The following PIK3R2 variants were observed in gnomAD, a reference collection of about 807,000 sequenced individuals.
The protein encoded by PIK3R2 is phosphatidylinositol 3-kinase regulatory subunit beta.
PIK3R2 carries 40 observed loss-of-function variants against 78.5 expected under a neutral mutation model. That is an observed-to-expected ratio of 0.51 (90% CI 0.40 to 0.66). The LOEUF is 0.66. Among genes scored for constraint, PIK3R2 ranks in the 30% least tolerant of loss-of-function variants. The pLI is 0.00. For synonymous variants in PIK3R2, 473 were observed against 457.7 expected (o/e 1.03, Z -0.43); for missense variants, 880 against 1,026.6 (o/e 0.86, Z 1.95).
In PIK3R2 at chr19:18,169,461, C is replaced by T. The variant is rs2043847671; in HGVS notation, c.*167C>T. 2 of 365,132 alleles carry T rather than the reference C, an allele frequency of 5.5e-6. No homozygotes were observed. The highest frequency in any genetic ancestry group is 8.5e-5 in the East Asian group (2 of 23,520). 22.6% of individuals were successfully genotyped at this position (365,132 alleles called of 1,614,324 possible). A position where few individuals can be genotyped will look rare whatever the true frequency, so the allele number is the denominator to read the frequency against. ...CCTCTTTCTCTTTCCTTCCCTCCCCCATTCTCCAGATCTCCCTCTGTCTCC... is the reference window on the plus strand; with the variant it reads ...CCTCTTTCTCTTTCCTTCCCTCCCCTATTCTCCAGATCTCCCTCTGTCTCC... On this transcript the variant is annotated 3_prime_UTR_variant, in exon 16 of 16. Transcript: ENST00000222254.
rs1374398216 is a variant in PIK3R2 at position 18,167,450 on chromosome 19, C to T, written c.1736+144C>T. 9.4e-6 allele frequency: 6 copies of T among 641,534 alleles called. No individual in the cohort carries two copies. The highest frequency in any genetic ancestry group is 1.5e-5 in the Non-Finnish European group (6 of 410,160). 39.7% of individuals were successfully genotyped at this position (641,534 alleles called of 1,614,324 possible). A position where few individuals can be genotyped will look rare whatever the true frequency, so the allele number is the denominator to read the frequency against. On this transcript the variant is annotated intron_variant, in intron 13 of 15. Transcript: ENST00000222254. This position sits in a 1 kb window ranked among gnomAD's most constrained non-coding sequence, Gnocchi z 4.5. ...CCCCTTAAACTCGGTTCCTCCCGGGCCCCTTGAAAGTTTTCCCATAGGTCA... is the reference window on the plus strand; with the variant it reads ...CCCCTTAAACTCGGTTCCTCCCGGGTCCCTTGAAAGTTTTCCCATAGGTCA...
rs2043651774 is a variant in PIK3R2, at chr19:18,154,108, G to A, written c.-424+814G>A. Reference sequence around the variant, plus strand: ...CAACTTAACCCACTGCCAAGGCTTTGCATGTGCCGTTCCGTCTGCCTGTCG... The same window carrying A: ...CAACTTAACCCACTGCCAAGGCTTTACATGTGCCGTTCCGTCTGCCTGTCG... On this transcript the variant is annotated intron_variant, in intron 1 of 15. Transcript: ENST00000222254. Among the ~76,000 whole-genome samples the A allele has an allele frequency of 3.9e-5, 6 of 152,238 alleles. No homozygotes were observed. The South Asian group carries it at 1.2e-3, about 32-fold the overall frequency.
intron 2 of PIK3R2, among the ~76,000 whole-genome samples, chr19:18,159,352 C>T (rs559956349): frequency 6.6e-6 from 1 of 151,830 alleles, no homozygotes; most frequent in Admixed American, 6.6e-5. Context: ...GGGTCGTGCC[C>T]CCTCTGAAGT....
chr19:18,161,571 CG>C lies in PIK3R2; in HGVS notation c.815+78del, dbSNP rs1022508653. The stretch of plus-strand genomic sequence containing the variant: ...GCGGGCGGGGCATGGCCAGAGTGAG[CG>C]GCGTCTAGACCCTAAGAAGGGAGGG... On this transcript the variant is annotated intron_variant, in intron 6 of 15. Coordinates refer to ENST00000222254, the MANE Select transcript of PIK3R2 (RefSeq NM_005027.4). This position sits in a 1 kb window ranked among gnomAD's most constrained non-coding sequence, Gnocchi z 5.3. 35 of 510,718 alleles carry C rather than the reference CG, an allele frequency of 6.9e-5. No individual in the cohort carries two copies. The highest frequency in any genetic ancestry group is 6.8e-4 in the African/African-American group (34 of 49,738). 31.6% of individuals were successfully genotyped at this position (510,718 alleles called of 1,614,324 possible).
At position 18,155,465 on chromosome 19, in the gene PIK3R2, C is replaced by A. The variant is rs1209245712; in HGVS notation, c.-415C>A. 1 of 409,284 alleles carries A rather than the reference C, an allele frequency of 2.4e-6. No homozygotes were observed. The highest frequency in any genetic ancestry group is 4.3e-5 in the Admixed American group (1 of 23,212). 25.4% of individuals were successfully genotyped at this position (409,284 alleles called of 1,614,324 possible). A position where few individuals can be genotyped will look rare whatever the true frequency, so the allele number is the denominator to read the frequency against. ...TATCCCTGTCTCCCTAGGTCGGCGTCCTCAGCTGGCCGAGCATGGTGGCAG... is the reference window on the plus strand; with the variant it reads ...TATCCCTGTCTCCCTAGGTCGGCGTACTCAGCTGGCCGAGCATGGTGGCAG... On this transcript the variant is annotated 5_prime_UTR_variant, in exon 2 of 16. Coordinates refer to ENST00000222254, the MANE Select transcript of PIK3R2 (RefSeq NM_005027.4).
Position 18,168,776 on chromosome 19 carries a change from G to A in PIK3R2, c.1859G>A (p.Arg620His), listed in dbSNP as rs776438063. The part of the protein sequence containing the change: ...DEDDLPHHEE[R>H]TWYVGKINRT... Reference sequence around the variant, plus strand: ...GACGATCTCCCGCACCACGAGGAACGCACTTGGTACGTGGGCAAGATCAAC... The same window carrying A: ...GACGATCTCCCGCACCACGAGGAACACACTTGGTACGTGGGCAAGATCAAC... The change falls in exon 15 of 16, where the codon CGC (arginine) becomes CAC (histidine). Residue 620 changes from arginine to histidine, a missense_variant. Arg to His is a conservative substitution (Grantham distance 29). This residue lies in a region of PIK3R2 where 268 missense variants were observed against 299.1 expected (regional missense o/e 0.90). Transcript: ENST00000222254. This position sits in a 1 kb window ranked among gnomAD's most constrained non-coding sequence, Gnocchi z 4.1. 3 of 1,611,430 alleles carry A rather than the reference G, an allele frequency of 1.9e-6. No individual in the cohort carries two copies. Among genetic ancestry groups the A allele is most frequent in the Non-Finnish European group, 1.7e-6 (2 of 1,178,642 alleles).
intron 2 of PIK3R2, among the ~76,000 whole-genome samples, chr19:18,157,290 CA>C (rs1022851722): frequency 6.6e-6 from 1 of 152,222 alleles, no homozygotes; most frequent in African/African-American, 2.4e-5. Context: ...TCTGGGCTCC[CA>C]GCCAGAATCT....
At chr19:18,164,533 T>C (rs1371385597) in intron 11 of PIK3R2, among the ~76,000 whole-genome samples, 6 of 152,086 alleles carry the variant, frequency 3.9e-5, no homozygotes, top group Non-Finnish European at 8.8e-5. Flanking sequence ...ACTGTGCTAA[T>C]AAGCTTCTTT....
chr19:18,167,058 C>A lies in PIK3R2; in HGVS notation c.1560-72C>A. Reference sequence around the variant, plus strand: ...GGCTGAGGTAGGAGGGTCACCTGAGCCCAGGAGTTTGAGGGTGCAGTGAGC... The same window carrying A: ...GGCTGAGGTAGGAGGGTCACCTGAGACCAGGAGTTTGAGGGTGCAGTGAGC... On this transcript the variant is annotated intron_variant, in intron 12 of 15. Transcript: ENST00000222254. This position sits in a 1 kb window ranked among gnomAD's most constrained non-coding sequence, Gnocchi z 4.5. 1 of 1,359,652 alleles carries A rather than the reference C, an allele frequency of 7.4e-7. No individual in the cohort carries two copies. Among genetic ancestry groups the A allele is most frequent in the Non-Finnish European group, 9.8e-7 (1 of 1,022,262 alleles). The allele number at this position is 1,359,652 out of a possible 1,614,324, so 84.2% of individuals were successfully genotyped here.
rs376952388 is a variant in PIK3R2 at position 18,160,980 on chromosome 19, G to A, written c.466+11G>A. ...CCGCACCGCGTACAGGTGAAGGGGA[G>A]CCTCAATGGGGTTGGGAGGAGGCTG... On this transcript the variant is annotated intron_variant, in intron 4 of 15. Transcript: ENST00000222254. 2.5e-6 allele frequency: 4 copies of A among 1,612,792 alleles called. No individual in the cohort carries two copies. The highest frequency in any genetic ancestry group is 1.3e-5 in the African/African-American group (1 of 74,936).
rs1239247897 is a variant in PIK3R2, at chr19:18,167,449, G to C, written c.1736+143G>C. On this transcript the variant is annotated intron_variant, in intron 13 of 15. Coordinates refer to ENST00000222254, the MANE Select transcript of PIK3R2 (RefSeq NM_005027.4). This position sits in a 1 kb window ranked among gnomAD's most constrained non-coding sequence, Gnocchi z 4.5. ...ACCCCTTAAACTCGGTTCCTCCCGG[G>C]CCCCTTGAAAGTTTTCCCATAGGTC... 20 of 649,004 alleles carry C rather than the reference G, an allele frequency of 3.1e-5. No homozygotes were observed. Among genetic ancestry groups the C allele is most frequent in the Non-Finnish European group, 4.1e-5 (17 of 416,908 alleles). 40.2% of individuals were successfully genotyped at this position (649,004 alleles called of 1,614,324 possible).
In PIK3R2 at chr19:18,169,073, G is replaced by C. The variant is rs758475250; in HGVS notation, c.1980-14G>C. 1.2e-6 allele frequency: 2 copies of C among 1,606,806 alleles called. No homozygotes were observed. The highest frequency in any genetic ancestry group is 2.2e-5 in the South Asian group (2 of 90,966). On this transcript the variant is annotated splice_polypyrimidine_tract_variant and intron_variant, in intron 15 of 15. Coordinates refer to ENST00000222254, the MANE Select transcript of PIK3R2 (RefSeq NM_005027.4). Reference sequence around the variant, plus strand: ...GGCCAGCCTTCCGACTCCCCCTCTCGTCTGCCCCCACAGAGTGGACGGCGA... The same window carrying C: ...GGCCAGCCTTCCGACTCCCCCTCTCCTCTGCCCCCACAGAGTGGACGGCGA...
chr19:18,166,390 C>T, intron 12 of PIK3R2, 88 bp downstream of exon 12: 2 of 1,125,414 alleles, frequency 1.8e-6, no homozygotes, highest in South Asian at 1.4e-5. Context: ...GGAGGCCAGC[C>T]ACTTGGAGGC....
intron 10 of PIK3R2, 23 bp downstream of exon 10, chr19:18,163,170 GGGA>G: frequency 6.2e-7 from 1 of 1,613,654 alleles, no homozygotes; most frequent in South Asian, 1.1e-5. Flanking sequence ...CTGGGAGCCA[GGGA>G]GGGTAGCACC....
At chr19:18,160,775 C>A in intron 3 of PIK3R2, 144 bp from the exon 4 acceptor site, 3 of 1,044,468 alleles carry the variant, frequency 2.9e-6, no homozygotes, top group Non-Finnish European at 4.3e-6. Context: ...GCTGTGCCCT[C>A]TCCCAGTTCT....
rs2147958222 is a variant in PIK3R2 at position 18,167,399 on chromosome 19, C to G, written c.1736+93C>G. 3 of 1,156,726 alleles carry G rather than the reference C, an allele frequency of 2.6e-6. No homozygotes were observed. The highest frequency in any genetic ancestry group is 3.5e-6 in the Non-Finnish European group (3 of 851,322). 71.7% of individuals were successfully genotyped at this position (1,156,726 alleles called of 1,614,324 possible). A position where few individuals can be genotyped will look rare whatever the true frequency, so the allele number is the denominator to read the frequency against. On this transcript the variant is annotated intron_variant, in intron 13 of 15. Transcript: ENST00000222254. This position sits in a 1 kb window ranked among gnomAD's most constrained non-coding sequence, Gnocchi z 4.5. ...GGAGTCTCAGTCTCTCTCTCTCCAC[C>G]AAGTGGCCCTTCCTGGGCCCCGAGA...
At chr19:18,162,163 A>G in intron 7 of PIK3R2, 39 bp from the exon 8 acceptor site, 1 of 1,409,150 alleles carries the variant, frequency 7.1e-7, no homozygotes, top group Non-Finnish European at 1.0e-6. Context: ...CACAGTATAC[A>G]GTCGGTGCTC....
At chr19:18,157,484 C>T (rs1457673678) in intron 2 of PIK3R2, among the ~76,000 whole-genome samples, 1 of 152,218 alleles carries the variant, frequency 6.6e-6, no homozygotes, top group East Asian at 1.9e-4. Flanking sequence ...CAGGGTTGGT[C>T]CCTGGGGATG....
Position 18,155,775 on chromosome 19 carries a change from C to T in PIK3R2, c.-105C>T. On this transcript the variant is annotated 5_prime_UTR_variant, in exon 2 of 16. Coordinates refer to ENST00000222254, the MANE Select transcript of PIK3R2 (RefSeq NM_005027.4). ...CTGCTGGAGATAGAGGTCCCAGCACCCCAAGCCAACCCAGCGGACCCTCCC... is the reference window on the plus strand; with the variant it reads ...CTGCTGGAGATAGAGGTCCCAGCACTCCAAGCCAACCCAGCGGACCCTCCC... The T allele has an allele frequency of 9.2e-7, 1 of 1,082,486 alleles. No homozygotes were observed. Among genetic ancestry groups the T allele is most frequent in the Non-Finnish European group, 1.3e-6 (1 of 778,596 alleles). The allele number at this position is 1,082,486 out of a possible 1,614,324, so 67.1% of individuals were successfully genotyped here. A position where few individuals can be genotyped will look rare whatever the true frequency, so the allele number is the denominator to read the frequency against.
Sources: gnomAD v4.1 joint callset for allele counts (sites outside exome capture counted in the v4.1 genomes callset) on GRCh38, gnomAD v4.1.1 for gene constraint, gnomAD v4.1.1 regional missense constraint, Gnocchi (gnomAD v3.1) non-coding constraint, MANE v1.5 for transcripts, NCBI Gene and HGNC (gene_info 2026-07-23, HGNC 2026-07-21) for gene names.